OLFM1: variants seen among roughly 807,000 people sequenced by gnomAD.
The protein encoded by OLFM1 is olfactomedin 1.
In OLFM1, 9 loss-of-function variants were observed where a neutral mutation model predicts 49.7. That is an observed-to-expected ratio of 0.18 (90% CI 0.11 to 0.32). The LOEUF (loss-of-function observed/expected upper bound fraction) is 0.32, where lower values mean the gene tolerates loss of function less well. Ranked by LOEUF, OLFM1 falls within the 10% of genes least tolerant of loss-of-function variation. The pLI is 1.00. For synonymous variants in OLFM1, 240 were observed against 271.8 expected (o/e 0.88, Z 1.15); for missense variants, 369 against 661.8 (o/e 0.56, Z 4.85).
In OLFM1 at chr9:135,080,546, G is replaced by A. The variant is rs574144647; in HGVS notation, c.96+4744G>A. Reference sequence around the variant, plus strand: ...TGGAGAGGCTCCTGACACCAGGGGCGCTGAGCTGTCAATCCTGCCCATGAG... The same window carrying A: ...TGGAGAGGCTCCTGACACCAGGGGCACTGAGCTGTCAATCCTGCCCATGAG... On this transcript the variant is annotated intron_variant, in intron 1 of 5. Coordinates refer to the OLFM1 transcript ENST00000252854. This position sits in a 1 kb window ranked among gnomAD's most constrained non-coding sequence, Gnocchi z 4.5. Among the ~76,000 whole-genome samples, 127 of 152,192 alleles carry A rather than the reference G, an allele frequency of 8.3e-4. 1 individual carries two copies. In the Middle Eastern group the frequency reaches 0.024, roughly 29 times the overall value.
At chr9:135,097,558 G>A (rs1451113267) in intron 3 of OLFM1, among the ~76,000 whole-genome samples, 1 of 152,152 alleles carries the variant, frequency 6.6e-6, no homozygotes, top group Non-Finnish European at 1.5e-5. Flanking sequence ...GGGAAGAAAA[G>A]CAAGCGCTTG....
intron 1 of OLFM1, chr9:135,076,459 C>T (rs1830467692): frequency 4.9e-6 from 7 of 1,418,756 alleles, no homozygotes; most frequent in African/African-American, 2.9e-5. Flanking sequence ...CTTGTCGTAC[C>T]CTGAACAATG....
chr9:135,086,568 G>A (rs1358392235), upstream of OLFM1: 1 of 455,522 alleles, frequency 2.2e-6, no homozygotes, highest in Non-Finnish European at 4.4e-6. Context: ...TGAGTGATCT[G>A]GAGGATTCTT....
At chr9:135,106,895 G>A in intron 5 of OLFM1, 40 bp downstream of exon 5, 2 of 1,492,060 alleles carry the variant, frequency 1.3e-6, no homozygotes, top group Middle Eastern at 1.7e-4. Flanking sequence ...ATTTGGGCAA[G>A]GGCGCTCTCG....
chr9:135,110,976 G>A (rs532803587), intron 5 of OLFM1, among the ~76,000 whole-genome samples: 36 of 152,364 alleles, frequency 2.4e-4, no homozygotes, highest in South Asian at 6.2e-4. Flanking sequence ...CATTTGGGAC[G>A]GCAGTGCCAG....
In OLFM1 at chr9:135,116,382, T is replaced by TA. The variant is rs543698432; in HGVS notation, c.784-3121dup. Reference sequence around the variant, plus strand: ...GCCGATTCTCCCTCCCACCCCCAATTACATCTTCAGAGTGCGGTATCCTGT... The same window carrying TA: ...GCCGATTCTCCCTCCCACCCCCAATTAACATCTTCAGAGTGCGGTATCCTGT... On this transcript the variant is annotated intron_variant, in intron 5 of 5. Coordinates refer to ENST00000371793, the MANE Select transcript of OLFM1 (RefSeq NM_001282611.2). 2.2e-3 allele frequency among the ~76,000 whole-genome samples: 337 copies of TA among 152,242 alleles called. 2 individuals carry two copies. Among genetic ancestry groups the TA allele is most frequent in the African/African-American group, 7.7e-3 (322 of 41,550 alleles).
intron 1 of OLFM1, 50 bp from the exon 2 acceptor site, chr9:135,090,145 G>C (rs1830662175): frequency 3.3e-6 from 5 of 1,531,560 alleles, no homozygotes; most frequent in Non-Finnish European, 4.4e-6. Flanking sequence ...ACAACCTCAT[G>C]GTCTCCCTTT....
At chr9:135,112,905 T>C (rs1007241791) in intron 5 of OLFM1, among the ~76,000 whole-genome samples, 1 of 152,136 alleles carries the variant, frequency 6.6e-6, no homozygotes, top group Non-Finnish European at 1.5e-5. Flanking sequence ...ACTGGGGGCA[T>C]CCAGCCAGGG....
At chr9:135,077,499 A>C (rs915252010) in intron 1 of OLFM1, 7 of 370,550 alleles carry the variant, frequency 1.9e-5, no homozygotes, top group Non-Finnish European at 3.3e-5. Flanking sequence ...GTCCATCCAC[A>C]CGAAGGGTGC....
At chr9:135,095,530 A>AAGAG (rs1554753299) in intron 2 of OLFM1, among the ~76,000 whole-genome samples, 282 of 137,266 alleles carry the variant, frequency 2.1e-3, no homozygotes, top group Non-Finnish European at 2.8e-3. Context: ...AAAAAAAAAA[A>AAGAG]AGAGAGAGAG....
chr9:135,092,580 G>A (rs1412911547), intron 2 of OLFM1, among the ~76,000 whole-genome samples: 1 of 152,168 alleles, frequency 6.6e-6, no homozygotes, highest in Middle Eastern at 3.2e-3. Context: ...ACTTGGAGGG[G>A]CCTCTGGGCT....
intron 5 of OLFM1, among the ~76,000 whole-genome samples, chr9:135,111,413 C>T (rs534418760): frequency 6.6e-5 from 10 of 152,152 alleles, no homozygotes; most frequent in Admixed American, 1.3e-4. Context: ...GGGACTGTAG[C>T]GCATGGCCCA....
intron 4 of OLFM1, chr9:135,106,415 C>G (rs1250118785): frequency 1.3e-5 from 4 of 311,374 alleles, no homozygotes; most frequent in Non-Finnish European, 2.4e-5. Flanking sequence ...CTGACCCCCT[C>G]TCCTAGAGGT....
chr9:135,076,518 A>G (rs985840623), intron 1 of OLFM1: 12 of 1,261,494 alleles, frequency 9.5e-6, no homozygotes, highest in African/African-American at 4.5e-5. Context: ...TTAAAGATGC[A>G]TATTGGAGCT....
intron 2 of OLFM1, among the ~76,000 whole-genome samples, chr9:135,090,958 GCATAA>G (rs1830677526): frequency 6.6e-6 from 1 of 152,252 alleles, no homozygotes; most frequent in South Asian, 2.1e-4. Flanking sequence ...TATGTCGTTT[GCATAA>G]CATATTTTGA....
chr9:135,093,320 A>G (rs1483349890), intron 2 of OLFM1, among the ~76,000 whole-genome samples: 1 of 152,172 alleles, frequency 6.6e-6, no homozygotes, highest in Admixed American at 6.5e-5. Context: ...TCTGGGTTTG[A>G]GAGTGTAGGC....
chr9:135,087,375 T>G, upstream of OLFM1: 1 of 1,546,830 alleles, frequency 6.5e-7, no homozygotes, highest in Non-Finnish European at 8.7e-7. Context: ...GGCGTGAGGA[T>G]GGGAGAAGCC....
At chr9:135,100,272 G>T (rs1588213624) in intron 4 of OLFM1, among the ~76,000 whole-genome samples, 1 of 152,158 alleles carries the variant, frequency 6.6e-6, no homozygotes, top group Non-Finnish European at 1.5e-5. Flanking sequence ...CTTTCTGAGG[G>T]GGCACCACCC....
upstream of OLFM1, among the ~76,000 whole-genome samples, chr9:135,083,386 T>G (rs531330482): frequency 1.3e-5 from 2 of 151,964 alleles, no homozygotes; most frequent in Non-Finnish European, 2.9e-5. Context: ...GGAGGGTGCA[T>G]GAAGGGTCTG....
Sources: allele counts gnomAD v4.1 joint callset (sites outside exome capture counted in the v4.1 genomes callset), GRCh38; gene constraint gnomAD v4.1.1; non-coding constraint Gnocchi (gnomAD v3.1); transcripts MANE v1.5; gene names NCBI Gene and HGNC (gene_info 2026-07-23, HGNC 2026-07-21).